CAST: variants seen among roughly 807,000 people sequenced by gnomAD.
CAST encodes calpastatin, also known as MIR583 host.
In CAST, 76 loss-of-function variants were observed where a neutral mutation model predicts 119.6. The observed-to-expected ratio is 0.64, with a 90% confidence interval of 0.53 to 0.77. The LOEUF (loss-of-function observed/expected upper bound fraction) is 0.77. Ranked by LOEUF, CAST falls within the 30% of genes least tolerant of loss-of-function variation. The pLI, the probability that CAST is intolerant of heterozygous loss-of-function variation, is 0.00. For synonymous variants in CAST, 319 were observed against 331.6 expected, an observed-to-expected ratio of 0.96 and a Z score of 0.41; for missense variants, 953 against 946.5, an observed-to-expected ratio of 1.01 and a Z score of -0.09.
chr5:96,240,043 ACCT>A, the CAST span, among the ~76,000 whole-genome samples: 6 of 152,128 alleles, frequency 3.9e-5, no homozygotes, highest in Non-Finnish European at 5.9e-5. Flanking sequence ...TCTAATATTT[ACCT>A]CCTATTTCCT....
At chr5:96,690,689 G>C (rs1580984667) in intron 2 of CAST, among the ~76,000 whole-genome samples, 1 of 152,110 alleles carries the variant, frequency 6.6e-6, no homozygotes, top group South Asian at 2.1e-4. Flanking sequence ...GTACTTATTT[G>C]GTCACCACTT....
chr5:96,679,159 A>G (rs573605718), intron 2 of CAST, among the ~76,000 whole-genome samples: 72 of 152,184 alleles, frequency 4.7e-4, no homozygotes, highest in Non-Finnish European at 9.3e-4. Flanking sequence ...ACGCCCAGCT[A>G]CCTATAGCAA....
upstream of CAST, among the ~76,000 whole-genome samples, chr5:96,524,410 G>A (rs1745566685): frequency 6.6e-6 from 1 of 152,220 alleles, no homozygotes; most frequent in Non-Finnish European, 1.5e-5. Flanking sequence ...GGGTCAATTT[G>A]AGAAGTAGAG....
the CAST span, among the ~76,000 whole-genome samples, chr5:96,257,992 G>T: frequency 6.6e-6 from 1 of 152,120 alleles, no homozygotes; most frequent in African/African-American, 2.4e-5. Flanking sequence ...GCAGATTCCA[G>T]CCACTAAAGG....
chr5:96,072,059 TA>T, the CAST span, among the ~76,000 whole-genome samples: 2 of 152,120 alleles, frequency 1.3e-5, no homozygotes, highest in Non-Finnish European at 2.9e-5. Flanking sequence ...CTTAAATTGA[TA>T]AAAAATATAA....
chr5:96,201,173 A>G, the CAST span, among the ~76,000 whole-genome samples: 19 of 152,168 alleles, frequency 1.2e-4, no homozygotes, highest in Non-Finnish European at 1.0e-4. Context: ...AATAATTTTA[A>G]AAGCTTTATG....
the CAST span, among the ~76,000 whole-genome samples, chr5:96,430,727 T>C: frequency 6.6e-6 from 1 of 152,240 alleles, no homozygotes; most frequent in Non-Finnish European, 1.5e-5. Context: ...TTGTTAAGTT[T>C]GTTTTAAAAC....
the CAST span, among the ~76,000 whole-genome samples, chr5:95,985,906 C>T: frequency 6.6e-6 from 1 of 152,136 alleles, no homozygotes; most frequent in Non-Finnish European, 1.5e-5. Flanking sequence ...CCGTTATTTT[C>T]TTTGACATCT....
chr5:96,536,745 G>A (rs1745823105), intron 1 of CAST, among the ~76,000 whole-genome samples: 1 of 152,074 alleles, frequency 6.6e-6, no homozygotes, highest in African/African-American at 2.4e-5. Context: ...TCATAATTTG[G>A]GATAATACCA....
the CAST span, among the ~76,000 whole-genome samples, chr5:96,012,451 C>G: frequency 3.3e-5 from 5 of 151,992 alleles, no homozygotes; most frequent in African/African-American, 1.2e-4. Flanking sequence ...CTTAATTTAT[C>G]TGAGCCTCAG....
chr5:96,534,337 A>T (rs1007291429), intron 1 of CAST, among the ~76,000 whole-genome samples: 5 of 152,146 alleles, frequency 3.3e-5, no homozygotes, highest in African/African-American at 9.7e-5. Flanking sequence ...ATATGATGTC[A>T]GATTCCATAT....
At chr5:96,103,204 T>C in the CAST span, among the ~76,000 whole-genome samples, 1 of 152,148 alleles carries the variant, frequency 6.6e-6, no homozygotes, top group Non-Finnish European at 1.5e-5. Flanking sequence ...ATAACTCTTT[T>C]TTAAATTATT....
At chr5:95,999,084 G>C in the CAST span, among the ~76,000 whole-genome samples, 1 of 151,992 alleles carries the variant, frequency 6.6e-6, no homozygotes, top group Non-Finnish European at 1.5e-5. Context: ...TGAGTAATCA[G>C]TTTAAGAACA....
At chr5:96,620,768 A>G (rs998022148) in intron 1 of CAST, among the ~76,000 whole-genome samples, 1 of 152,214 alleles carries the variant, frequency 6.6e-6, no homozygotes, top group African/African-American at 2.4e-5. Context: ...CCAAATGCTT[A>G]AATGTATTGG....
chr5:96,051,719 C>G, the CAST span, among the ~76,000 whole-genome samples: 2 of 152,080 alleles, frequency 1.3e-5, no homozygotes, highest in African/African-American at 4.8e-5. Context: ...ATCGACCACC[C>G]CTGTGTTATA....
intron 1 of CAST, among the ~76,000 whole-genome samples, chr5:96,588,893 A>G (rs748465713): frequency 1.2e-4 from 18 of 152,234 alleles, no homozygotes; most frequent in Non-Finnish European, 2.4e-4. Context: ...CTTAGGAAGA[A>G]GACTGCCATA....
chr5:96,070,327 T>C, the CAST span, among the ~76,000 whole-genome samples: 2 of 152,216 alleles, frequency 1.3e-5, no homozygotes, highest in African/African-American at 4.8e-5. Flanking sequence ...ACTAGACATT[T>C]ATTAATCAAG....
At chr5:96,491,691 G>A in the CAST span, among the ~76,000 whole-genome samples, 1 of 151,956 alleles carries the variant, frequency 6.6e-6, no homozygotes, top group Non-Finnish European at 1.5e-5. Context: ...AATGTAAATA[G>A]GAATATGTGC....
At chr5:96,256,084 C>T in the CAST span, among the ~76,000 whole-genome samples, 1 of 151,856 alleles carries the variant, frequency 6.6e-6, no homozygotes, top group East Asian at 1.9e-4. Flanking sequence ...TCTCATCTCT[C>T]AGAACTCTGT....
Sources: gnomAD v4.1 joint callset for allele counts (sites outside exome capture counted in the v4.1 genomes callset) on GRCh38, gnomAD v4.1.1 for gene constraint, MANE v1.5 for transcripts, NCBI Gene and HGNC (gene_info 2026-07-23, HGNC 2026-07-21) for gene names.